The following PPARD variants were observed in gnomAD, a reference collection of about 807,000 sequenced individuals.
PPARD encodes peroxisome proliferator-activated receptor delta.
A neutral mutation model predicts 39.5 loss-of-function variants in PPARD; 6 were observed. That is an observed-to-expected ratio of 0.15 (90% CI 0.08 to 0.30). The LOEUF is 0.30. PPARD is among the 10% of genes least tolerant of loss of function. The pLI is 1.00. For synonymous variants in PPARD, 210 were observed against 231.3 expected, an observed-to-expected ratio of 0.91 and a Z score of 0.83; for missense variants, 397 against 596.8, an observed-to-expected ratio of 0.67 and a Z score of 3.49.
At chr6:35,394,719 C>T (rs568173914) in intron 2 of PPARD, among the ~76,000 whole-genome samples, 43 of 151,002 alleles carry the variant, frequency 2.8e-4, no homozygotes, top group African/African-American at 5.6e-4. Context: ...TCCAGTGAGC[C>T]GAGATCATGC....
chr6:35,388,307 G>C (rs745929220), intron 2 of PPARD, among the ~76,000 whole-genome samples: 1 of 152,220 alleles, frequency 6.6e-6, no homozygotes, highest in Non-Finnish European at 1.5e-5. Context: ...TCCACTCAGA[G>C]AGAACATGAG....
rs1442694115 is a variant in PPARD at position 35,366,463 on chromosome 6, TCA to T, written c.-102+19314_-102+19315del. ...TCTGATAGCATTTATGCTAGAGGGG[TCA>T]AAATGGAGAGAGATACACAGGCAGA... On this transcript the variant is annotated intron_variant, in intron 2 of 7. Coordinates refer to ENST00000360694, the MANE Select transcript of PPARD (RefSeq NM_006238.5). This position sits in a 1 kb window ranked among gnomAD's most constrained non-coding sequence, Gnocchi z 4.6. Among the ~76,000 whole-genome samples, 1 of 151,476 alleles carries T rather than the reference TCA, an allele frequency of 6.6e-6. No homozygotes were observed. The highest frequency in any genetic ancestry group is 2.4e-5 in the African/African-American group (1 of 40,830).
intron 1 of PPARD, 125 bp downstream of exon 1, chr6:35,342,806 G>C (rs912123925): frequency 6.6e-6 from 1 of 152,244 alleles, no homozygotes; most frequent in African/African-American, 2.4e-5. Flanking sequence ...GGGAGCTGCC[G>C]GGGTCCGCGG....
At chr6:35,373,673 C>CT (rs11321563) in intron 2 of PPARD, among the ~76,000 whole-genome samples, 70,008 of 145,364 alleles carry the variant, frequency 0.48, 20,824 homozygotes, top group Non-Finnish European at 0.66. Flanking sequence ...TTCTTTCTTT[C>CT]TTTTTTTTTT....
chr6:35,384,052 C>A (rs1763370498), intron 2 of PPARD, among the ~76,000 whole-genome samples: 1 of 149,284 alleles, frequency 6.7e-6, no homozygotes, highest in South Asian at 2.1e-4. Flanking sequence ...GGGTCAGCCC[C>A]CCGCCAGGCC....
intron 2 of PPARD, among the ~76,000 whole-genome samples, chr6:35,402,193 G>A (rs1381995596): frequency 2.0e-5 from 3 of 152,292 alleles, no homozygotes; most frequent in Non-Finnish European, 2.9e-5. Context: ...TAAGAAAATC[G>A]AAATCACCTA....
intron 2 of PPARD, among the ~76,000 whole-genome samples, chr6:35,350,242 A>G (rs1761155840): frequency 6.6e-6 from 1 of 152,180 alleles, no homozygotes; most frequent in African/African-American, 2.4e-5. Context: ...TTTGCTGTGC[A>G]GAAACTGTTT....
At chr6:35,407,799 TAA>T (rs201207213) in intron 2 of PPARD, among the ~76,000 whole-genome samples, 8 of 143,526 alleles carry the variant, frequency 5.6e-5, no homozygotes, top group Non-Finnish European at 7.7e-5. Flanking sequence ...TTCACACAAT[TAA>T]AAAAAAAAAA....
chr6:35,400,381 CT>C (rs1202192412), intron 2 of PPARD, among the ~76,000 whole-genome samples: 1 of 152,196 alleles, frequency 6.6e-6, no homozygotes, highest in Non-Finnish European at 1.5e-5. Flanking sequence ...CTTCACTCAT[CT>C]CACTGGGTCG....
At chr6:35,415,170 C>T (rs924369175) in intron 3 of PPARD, among the ~76,000 whole-genome samples, 3 of 152,210 alleles carry the variant, frequency 2.0e-5, no homozygotes, top group African/African-American at 7.2e-5. Context: ...GGGCCCAGCA[C>T]TGTGCCCAGG....
At chr6:35,395,726 TA>T (rs1206253389) in intron 2 of PPARD, among the ~76,000 whole-genome samples, 1 of 152,172 alleles carries the variant, frequency 6.6e-6, no homozygotes, top group African/African-American at 2.4e-5. Context: ...TTTTTAGCAT[TA>T]GAGTTCAGGA....
At chr6:35,407,923 T>C (rs1256521205) in intron 2 of PPARD, among the ~76,000 whole-genome samples, 2 of 152,064 alleles carry the variant, frequency 1.3e-5, no homozygotes, top group Admixed American at 6.6e-5. Context: ...TTGAGCTAAG[T>C]GTCTTTATGT....
chr6:35,426,068 G>A lies in PPARD; in HGVS notation c.1315G>A (p.Asp439Asn). 1 of 1,612,462 alleles carries A rather than the reference G, an allele frequency of 6.2e-7. No individual in the cohort carries two copies. Among genetic ancestry groups the A allele is most frequent in the Non-Finnish European group, 8.5e-7 (1 of 1,179,958 alleles). ...LHPLLQEIYK[D>N]MY is the part of the protein sequence containing the mutation. Reference sequence around the variant, plus strand: ...CCCTCTGCTCCAGGAGATCTACAAGGACATGTACTAACGGCGGCACCCAGG... The same window carrying A: ...CCCTCTGCTCCAGGAGATCTACAAGAACATGTACTAACGGCGGCACCCAGG... Residue 439 changes from aspartate to asparagine, a missense_variant, in exon 8 of 8, where the codon GAC becomes AAC. Asp to Asn is a conservative substitution (Grantham distance 23). Coordinates refer to ENST00000360694, the MANE Select transcript of PPARD (RefSeq NM_006238.5).
chr6:35,365,109 G>C (rs1042263448), intron 2 of PPARD, among the ~76,000 whole-genome samples: 4 of 149,514 alleles, frequency 2.7e-5, no homozygotes, highest in African/African-American at 9.9e-5. Context: ...TTGCATACCA[G>C]ACATGTAGAG....
intron 3 of PPARD, among the ~76,000 whole-genome samples, chr6:35,415,778 C>CTATGTGTGTGTGTGTG (rs1554212569): frequency 7.0e-6 from 1 of 143,772 alleles, no homozygotes; most frequent in African/African-American, 2.8e-5. Flanking sequence ...GAAGGAGAAC[C>CTATGTGTGTGTGTGTG]TGTGTGTGTG....
intron 2 of PPARD, among the ~76,000 whole-genome samples, chr6:35,376,293 T>C (rs1416843291): frequency 6.6e-6 from 1 of 152,254 alleles, no homozygotes; most frequent in Non-Finnish European, 1.5e-5. Flanking sequence ...GCCTCTGGAA[T>C]GCCTCTTAGA....
chr6:35,346,992 ATAACT>A, intron 1 of PPARD, 70 bp from the exon 2 acceptor site: 2 of 880,816 alleles, frequency 2.3e-6, no homozygotes, highest in Non-Finnish European at 3.5e-6. Flanking sequence ...TACGGTGGGT[ATAACT>A]TATTAGAGTT....
At chr6:35,396,362 G>C (rs1376506302) in intron 2 of PPARD, among the ~76,000 whole-genome samples, 2 of 150,810 alleles carry the variant, frequency 1.3e-5, no homozygotes, top group African/African-American at 4.9e-5. Flanking sequence ...CCGCCACCAC[G>C]CCTGGCCAAT....
In PPARD at chr6:35,363,346, C is replaced by G. The variant is rs1450021813; in HGVS notation, c.-102+16196C>G. ...TGGGCCTGCCTGGATCATATCTGTT[C>G]TGCTGTGATCCCAGGCCTGGTGAGA... On this transcript the variant is annotated intron_variant, in intron 2 of 7. Coordinates refer to ENST00000360694, the MANE Select transcript of PPARD (RefSeq NM_006238.5). This position sits in a 1 kb window ranked among gnomAD's most constrained non-coding sequence, Gnocchi z 4.5. 6.6e-6 allele frequency among the ~76,000 whole-genome samples: 1 copy of G among 152,182 alleles called. No homozygotes were observed. The highest frequency in any genetic ancestry group is 1.5e-5 in the Non-Finnish European group (1 of 68,032).
Sources: allele counts gnomAD v4.1 joint callset (sites outside exome capture counted in the v4.1 genomes callset), GRCh38; gene constraint gnomAD v4.1.1; non-coding constraint Gnocchi (gnomAD v3.1); transcripts MANE v1.5; gene names NCBI Gene and HGNC (gene_info 2026-07-23, HGNC 2026-07-21).